Variants in NBPF15 observed in about 807,000 individuals in gnomAD.
NBPF15 encodes NBPF member 15, also known as NBPF family member NBPF15.
NBPF15 carries 74 observed loss-of-function variants against 62.2 expected under a neutral mutation model. The observed-to-expected ratio is 1.19, with a 90% CI of 0.99 to 1.44. NBPF15 has a LOEUF of 1.44. Ranked by LOEUF, NBPF15 falls within the 40% of genes most tolerant of loss-of-function variation. The probability of loss-of-function intolerance (pLI) is 0.00; values close to 1 mark genes in which losing one functional copy is unlikely to be tolerated. For missense variants in NBPF15, 790 were observed against 550.0 expected, an observed-to-expected ratio of 1.44 and a Z score of -4.36; for synonymous variants, 244 against 209.7, an observed-to-expected ratio of 1.16 and a Z score of -1.41.
chr1:144,436,656 T>A (rs1678638029), intron 10 of NBPF15, among the ~76,000 whole-genome samples: 1 of 152,024 alleles, frequency 6.6e-6, no homozygotes, highest in Non-Finnish European at 1.5e-5. Context: ...AGACAGATGC[T>A]GCCTCATACT....
rs1429668949 is a variant in NBPF15, at chr1:144,426,437, G to C, written c.1279C>G (p.Leu427Val). The C allele has an allele frequency of 6.8e-4, 538 of 789,120 alleles. 1 individual carries two copies. The highest frequency in any genetic ancestry group is 1.1e-3 in the Non-Finnish European group (456 of 431,350). The allele number at this position is 789,120 out of a possible 1,614,324, so 48.9% of individuals were successfully genotyped here. The change falls in exon 18 of 22, where the codon CTG (leucine) becomes GTG (valine). Residue 427 changes from leucine to valine, a missense_variant. Coordinates refer to ENST00000581897, the MANE Select transcript of NBPF15 (RefSeq NM_001385408.1). ...ACTTCAGGCTCTTTCTCATCCAGCA[G>C]CTCCCTGCTGAGCCTGGAAAAGTAG... ...DPSCPRLSRE[L>V]LDEKEPEVLQ...
chr1:144,455,900 C>A (rs1553546833), intron 4 of NBPF15, among the ~76,000 whole-genome samples: 1 of 152,026 alleles, frequency 6.6e-6, no homozygotes, highest in East Asian at 1.9e-4. Flanking sequence ...AAGAAGGCAT[C>A]CACCACAAGG....
intron 8 of NBPF15, among the ~76,000 whole-genome samples, chr1:144,438,582 A>G (rs1253118393): frequency 1.3e-5 from 2 of 152,138 alleles, no homozygotes; most frequent in Admixed American, 6.6e-5. Context: ...ACATAACACC[A>G]TAAGGCCATG....
intron 6 of NBPF15, among the ~76,000 whole-genome samples, chr1:144,448,071 G>A (rs1403019327): frequency 3.3e-5 from 5 of 152,026 alleles, no homozygotes; most frequent in Admixed American, 3.3e-4. Context: ...AAACCTGCCT[G>A]AATTAAAGCT....
At chr1:144,438,755 G>T (rs1413509210) in intron 8 of NBPF15, among the ~76,000 whole-genome samples, 1 of 151,880 alleles carries the variant, frequency 6.6e-6, no homozygotes, top group Non-Finnish European at 1.5e-5. Context: ...AGGTATTATT[G>T]TAGTACCCTC....
intron 6 of NBPF15, among the ~76,000 whole-genome samples, chr1:144,443,433 C>T (rs1685025982): frequency 6.6e-6 from 1 of 151,442 alleles, no homozygotes; most frequent in Non-Finnish European, 1.5e-5. Context: ...CTTGCTTATT[C>T]TAGGTTCTTT....
At chr1:144,456,326 A>T (rs1647758680) in intron 4 of NBPF15, among the ~76,000 whole-genome samples, 1 of 151,912 alleles carries the variant, frequency 6.6e-6, no homozygotes, top group South Asian at 2.1e-4. Flanking sequence ...AGGTAAAATC[A>T]CTTCCACCTG....
rs1188652967 is a variant in NBPF15 at position 144,423,915 on chromosome 1, C to G, written c.1724G>C (p.Arg575Thr). ...RRGRRSKKKR[R>T]RGRKEGEDDN... ...ATCTTCCCCTTCTTTTCTTCCCCTT[C>G]TTCTTTTCTTCTTTGATCTTCTTCC... The change falls in exon 21 of 22, where the codon AGA (arginine) becomes ACA (threonine). Residue 575 changes from arginine (R) to threonine (T), a missense_variant. Transcript: ENST00000581897. The G allele has an allele frequency of 2.5e-6, 2 of 795,696 alleles. No homozygotes were observed. The highest frequency in any genetic ancestry group is 3.4e-5 in the African/African-American group (2 of 59,610). 49.3% of individuals were successfully genotyped at this position (795,696 alleles called of 1,614,324 possible). A position where few individuals can be genotyped will look rare whatever the true frequency, so the allele number is the denominator to read the frequency against.
intron 13 of NBPF15, among the ~76,000 whole-genome samples, chr1:144,432,925 G>A (rs1237329539): frequency 2.0e-5 from 3 of 151,422 alleles, no homozygotes; most frequent in Non-Finnish European, 4.4e-5. Context: ...GGATATCCAG[G>A]ACTTGAACTC....
intron 8 of NBPF15, among the ~76,000 whole-genome samples, chr1:144,439,385 A>T (rs1486993706): frequency 1.3e-5 from 2 of 152,056 alleles, no homozygotes; most frequent in Non-Finnish European, 2.9e-5. Context: ...ACTATCACCA[A>T]GTTTCCCTCA....
At chr1:144,431,530 A>G (rs1571119732) in intron 13 of NBPF15, among the ~76,000 whole-genome samples, 1 of 150,470 alleles carries the variant, frequency 6.6e-6, no homozygotes, top group Admixed American at 6.6e-5. Flanking sequence ...CTTAGGGTAC[A>G]TGTGCACAAC....
chr1:144,424,168 G>C (rs1351301370), intron 20 of NBPF15, among the ~76,000 whole-genome samples, 193 bp from the exon 21 acceptor site: 1 of 152,044 alleles, frequency 6.6e-6, no homozygotes, highest in Non-Finnish European at 1.5e-5. Context: ...GAAACTGTGG[G>C]TAAAGTGTCC....
chr1:144,441,889 G>T (rs1163997853), intron 6 of NBPF15, among the ~76,000 whole-genome samples: 1 of 148,842 alleles, frequency 6.7e-6, no homozygotes, highest in African/African-American at 2.5e-5. Flanking sequence ...AAGGGCATTG[G>T]TGTCTTTGTT....
chr1:144,424,189 A>G (rs1667883867), intron 20 of NBPF15, among the ~76,000 whole-genome samples: 1 of 152,076 alleles, frequency 6.6e-6, no homozygotes, highest in South Asian at 2.1e-4. Flanking sequence ...CTATTCTAGT[A>G]GATCGTTATC....
At chr1:144,431,967 C>G (rs1674683931) in intron 13 of NBPF15, among the ~76,000 whole-genome samples, 1 of 150,816 alleles carries the variant, frequency 6.6e-6, no homozygotes, top group African/African-American at 2.4e-5. Flanking sequence ...GTGCATGTGT[C>G]TTTACAGCAG....
chr1:144,448,257 G>A (rs2102566967), intron 6 of NBPF15, among the ~76,000 whole-genome samples: 1 of 152,190 alleles, frequency 6.6e-6, no homozygotes, highest in South Asian at 2.1e-4. Context: ...CTGATATTCT[G>A]TGACTCTGGT....
intron 8 of NBPF15, among the ~76,000 whole-genome samples, chr1:144,439,547 T>A (rs1333757461): frequency 6.6e-6 from 1 of 152,128 alleles, no homozygotes; most frequent in African/African-American, 2.4e-5. Context: ...AAAACATGAT[T>A]GAGCCTCTTG....
At chr1:144,442,145 A>G (rs1404052066) in intron 6 of NBPF15, among the ~76,000 whole-genome samples, 2 of 10,958 alleles carry the variant, frequency 1.8e-4, no homozygotes, top group Admixed American at 1.7e-3. Context: ...ATATATATAT[A>G]TAATATATAT....
At chr1:144,433,190 C>T (rs1165095063) in intron 13 of NBPF15, among the ~76,000 whole-genome samples, 6 of 151,954 alleles carry the variant, frequency 3.9e-5, no homozygotes, top group Admixed American at 1.3e-4. Flanking sequence ...ACAACCTGCT[C>T]CTGAATGACT....
Sources: allele counts gnomAD v4.1 joint callset (sites outside exome capture counted in the v4.1 genomes callset), GRCh38; gene constraint gnomAD v4.1.1; transcripts MANE v1.5; gene names NCBI Gene and HGNC (gene_info 2026-07-23, HGNC 2026-07-21).